Variants in ACOXL observed in about 807,000 individuals in gnomAD.
ACOXL encodes acyl-coenzyme A oxidase-like protein.
ACOXL carries 70 observed loss-of-function variants against 71.9 expected under a neutral mutation model. The observed-to-expected ratio is 0.97, with a 90% CI of 0.80 to 1.19. The LOEUF (loss-of-function observed/expected upper bound fraction) is 1.19. Ranked by LOEUF, ACOXL falls within the 50% of genes most tolerant of loss-of-function variation. The pLI, the probability that ACOXL is intolerant of heterozygous loss-of-function variation, is 0.00. For synonymous variants in ACOXL, 253 were observed against 281.6 expected (o/e 0.90, Z 1.02); for missense variants, 703 against 736.3 (o/e 0.95, Z 0.52).
intron 1 of ACOXL, among the ~76,000 whole-genome samples, chr2:110,755,510 A>G (rs544806878): frequency 6.6e-6 from 1 of 152,214 alleles, no homozygotes; most frequent in Non-Finnish European, 1.5e-5. Flanking sequence ...GGATTGGAGC[A>G]TAAGGATGTT....
chr2:110,798,295 C>T (rs1358040376), intron 5 of ACOXL, among the ~76,000 whole-genome samples: 4 of 148,624 alleles, frequency 2.7e-5, no homozygotes, highest in Admixed American at 1.4e-4. Flanking sequence ...CTCGCTCTGT[C>T]GCCCAGGCTG....
At chr2:110,747,635 A>G (rs1315950339) in intron 1 of ACOXL, among the ~76,000 whole-genome samples, 1 of 152,240 alleles carries the variant, frequency 6.6e-6, no homozygotes, top group African/African-American at 2.4e-5. Flanking sequence ...AGTCAATCAG[A>G]CGTGCCCTGG....
chr2:110,819,240 G>C (rs903224975), intron 9 of ACOXL, among the ~76,000 whole-genome samples: 1 of 152,194 alleles, frequency 6.6e-6, no homozygotes. Flanking sequence ...GAAGGGATTT[G>C]GTTGCCTTGC....
chr2:110,874,313 G>A (rs2149057227), intron 10 of ACOXL, among the ~76,000 whole-genome samples: 2 of 152,282 alleles, frequency 1.3e-5, no homozygotes, highest in Middle Eastern at 6.8e-3. Flanking sequence ...GTTTAGTTCT[G>A]TGGTTTCAGG....
intron 15 of ACOXL, among the ~76,000 whole-genome samples, chr2:111,044,551 C>T (rs946980537): frequency 1.3e-5 from 2 of 152,172 alleles, no homozygotes; most frequent in Admixed American, 6.5e-5. Flanking sequence ...CACTGAAGCC[C>T]CAGGTGCAGG....
chr2:110,770,721 G>A (rs1305444389), intron 2 of ACOXL, among the ~76,000 whole-genome samples: 1 of 152,212 alleles, frequency 6.6e-6, no homozygotes, highest in African/African-American at 2.4e-5. Context: ...CACTCTCTCT[G>A]TCAGAGTCGC....
intron 12 of ACOXL, among the ~76,000 whole-genome samples, chr2:110,939,286 A>T (rs1479703089): frequency 2.0e-5 from 3 of 152,234 alleles, no homozygotes; most frequent in Admixed American, 2.0e-4. Flanking sequence ...ATATATATCC[A>T]TTGTAGAAAG....
At chr2:110,975,701 C>T (rs1378001153) in intron 12 of ACOXL, among the ~76,000 whole-genome samples, 5 of 151,790 alleles carry the variant, frequency 3.3e-5, no homozygotes, top group African/African-American at 7.3e-5. Context: ...AATTAGTAAC[C>T]CTAGGGATGT....
At chr2:110,892,982 A>T (rs894572505) in intron 10 of ACOXL, among the ~76,000 whole-genome samples, 4 of 152,222 alleles carry the variant, frequency 2.6e-5, no homozygotes, top group Non-Finnish European at 5.9e-5. Context: ...CCACTGGGGT[A>T]GACCTACATC....
At chr2:110,823,755 G>A (rs1688881494) in intron 9 of ACOXL, among the ~76,000 whole-genome samples, 1 of 152,130 alleles carries the variant, frequency 6.6e-6, no homozygotes, top group Admixed American at 6.5e-5. Flanking sequence ...TTTGCCCTCT[G>A]AATATATATT....
At chr2:110,784,084 T>A (rs1057443890) in intron 2 of ACOXL, among the ~76,000 whole-genome samples, 16 of 152,134 alleles carry the variant, frequency 1.1e-4, no homozygotes, top group African/African-American at 3.6e-4. Context: ...TTTTCCTGTG[T>A]CCAGGGTGCT....
intron 2 of ACOXL, among the ~76,000 whole-genome samples, chr2:110,769,394 C>T (rs1681574031): frequency 6.6e-6 from 1 of 152,032 alleles, no homozygotes; most frequent in South Asian, 2.1e-4. Context: ...CATCTGTAAT[C>T]CCAGTACTTT....
chr2:110,860,848 G>A (rs1258668879), intron 10 of ACOXL, among the ~76,000 whole-genome samples: 1 of 152,208 alleles, frequency 6.6e-6, no homozygotes, highest in African/African-American at 2.4e-5. Context: ...CACAGAGGGA[G>A]CTGGTTGTTT....
In ACOXL at chr2:110,793,749, C is replaced by T. The variant is rs1392609177; in HGVS notation, c.246+13C>T. ...TCAGCCACTCCAGGTATGGTATTTT[C>T]CTCAACATTGGTCTTCTATGGAGAG... On this transcript the variant is annotated intron_variant, in intron 4 of 17. Transcript: ENST00000439055. 2 of 1,607,388 alleles carry T rather than the reference C, an allele frequency of 1.2e-6. No individual in the cohort carries two copies. The highest frequency in any genetic ancestry group is 1.7e-6 in the Non-Finnish European group (2 of 1,173,928).
intron 12 of ACOXL, among the ~76,000 whole-genome samples, chr2:110,954,088 C>T (rs2061418859): frequency 6.6e-6 from 1 of 152,168 alleles, no homozygotes; most frequent in East Asian, 1.9e-4. Context: ...TTATATTTTC[C>T]TAGCGAATTG....
intron 2 of ACOXL, among the ~76,000 whole-genome samples, chr2:110,773,590 ACAGACT>A (rs1370761016): frequency 6.6e-6 from 1 of 152,144 alleles, no homozygotes; most frequent in Non-Finnish European, 1.5e-5. Context: ...TGACCGACGG[ACAGACT>A]CTGAGCTCTT....
Position 111,009,991 on chromosome 2 carries a change from A to G in ACOXL, c.1281+13987A>G, listed in dbSNP as rs80103533. ...AGTGTTTTAACTGCATGCTAGAATA[A>G]GACTCAATACCCTTTAGAGGAAGTC... On this transcript the variant is annotated intron_variant, in intron 14 of 17. Transcript: ENST00000439055. Among the ~76,000 whole-genome samples, 87 of 152,330 alleles carry G rather than the reference A, an allele frequency of 5.7e-4. No homozygotes were observed. In the East Asian group the frequency reaches 0.015, roughly 27 times the overall value.
chr2:111,022,421 T>TCACA (rs10543530), intron 14 of ACOXL, among the ~76,000 whole-genome samples: 6,534 of 147,450 alleles, frequency 0.044, 446 homozygotes, highest in African/African-American at 0.15. Context: ...AGACCCCTCC[T>TCACA]CACACACACA....
At chr2:110,774,674 T>C (rs1682413326) in intron 2 of ACOXL, among the ~76,000 whole-genome samples, 1 of 152,174 alleles carries the variant, frequency 6.6e-6, no homozygotes, top group Non-Finnish European at 1.5e-5. Flanking sequence ...TAAAAGGAGA[T>C]ACAAATACAT....
Sources: allele counts gnomAD v4.1 joint callset (sites outside exome capture counted in the v4.1 genomes callset), GRCh38; gene constraint gnomAD v4.1.1; transcripts MANE v1.5; gene names NCBI Gene and HGNC (gene_info 2026-07-23, HGNC 2026-07-21).